The following SLC20A2 variants were observed in gnomAD, a reference collection of about 807,000 sequenced individuals.
SLC20A2 encodes solute carrier family 20 member 2, also known as sodium-dependent phosphate transporter 2.
SLC20A2 carries 30 observed loss-of-function variants against 61.0 expected under a neutral mutation model. The observed-to-expected ratio is 0.49, with a 90% CI of 0.37 to 0.67. The LOEUF (loss-of-function observed/expected upper bound fraction) is 0.67, where lower values mean the gene tolerates loss of function less well. SLC20A2 is among the 30% of genes least tolerant of loss of function. The pLI is 0.00. For synonymous variants in SLC20A2, 351 were observed against 353.3 expected (o/e 0.99, Z 0.07); for missense variants, 626 against 866.4 (o/e 0.72, Z 3.48).
chr8:42,466,843 A>T (rs540432766), intron 2 of SLC20A2, among the ~76,000 whole-genome samples: 5 of 150,044 alleles, frequency 3.3e-5, no homozygotes, highest in East Asian at 3.9e-4. Context: ...TAATTTTTAA[A>T]TTTTTTTGCA....
chr8:42,466,328 T>C (rs186133300), intron 2 of SLC20A2, among the ~76,000 whole-genome samples: 7 of 152,282 alleles, frequency 4.6e-5, no homozygotes, highest in Non-Finnish European at 7.4e-5. Flanking sequence ...TCAAGTGATC[T>C]ACCCGCCTTG....
chr8:42,489,744 G>A (rs746718151), intron 1 of SLC20A2, among the ~76,000 whole-genome samples: 2 of 152,232 alleles, frequency 1.3e-5, no homozygotes, highest in Non-Finnish European at 2.9e-5. Flanking sequence ...AGTGGCCAGA[G>A]GTTGTGCTGA....
chr8:42,534,431 A>G (rs1216941388), intron 1 of SLC20A2, among the ~76,000 whole-genome samples: 1 of 152,216 alleles, frequency 6.6e-6, no homozygotes, highest in Non-Finnish European at 1.5e-5. Flanking sequence ...TTTCCTAGAA[A>G]ACTGAAAATA....
intron 7 of SLC20A2, among the ~76,000 whole-genome samples, chr8:42,438,003 C>T (rs1389422682): frequency 2.4e-5 from 3 of 125,228 alleles, no homozygotes; most frequent in Non-Finnish European, 4.8e-5. Context: ...TTAACATATA[C>T]TTTCTTTTCT....
In SLC20A2 at chr8:42,497,454, CAT is replaced by C. The variant is rs777434196; in HGVS notation, c.-265+3575_-265+3576del. 2.1e-4 allele frequency among the ~76,000 whole-genome samples: 32 copies of C among 152,276 alleles called. No homozygotes were observed. The East Asian group carries it at 3.3e-3, about 16-fold the overall frequency. On this transcript the variant is annotated intron_variant, in intron 1 of 10. Coordinates refer to ENST00000520262, the MANE Select transcript of SLC20A2 (RefSeq NM_001257180.2). ...GGGGCCTGAGAATCTGCATTTCTCA[CAT>C]GTTTCCAGGCGGTGCTGACGCTGAA...
chr8:42,446,071 T>C (rs1417089069), intron 5 of SLC20A2, among the ~76,000 whole-genome samples: 5 of 152,234 alleles, frequency 3.3e-5, no homozygotes, highest in African/African-American at 1.2e-4. Flanking sequence ...TGTTCCTGCT[T>C]TGGCCTCCCA....
intron 1 of SLC20A2, among the ~76,000 whole-genome samples, chr8:42,517,057 T>C (rs967833221): frequency 6.6e-6 from 1 of 152,204 alleles, no homozygotes; most frequent in African/African-American, 2.4e-5. Context: ...TGTTGCTGAT[T>C]TTAGAACATT....
intron 1 of SLC20A2, among the ~76,000 whole-genome samples, chr8:42,538,537 G>A (rs925949865): frequency 3.9e-5 from 6 of 152,188 alleles, no homozygotes; most frequent in Non-Finnish European, 4.4e-5. Flanking sequence ...CTTCACTAGT[G>A]GAAAGTGGAG....
chr8:42,455,257 T>TATATAGAGAGAGAGAGAG (rs1357416749), intron 5 of SLC20A2, among the ~76,000 whole-genome samples: 1 of 81,622 alleles, frequency 1.2e-5, no homozygotes, highest in African/African-American at 4.4e-5. Flanking sequence ...TATATATATA[T>TATATAGAGAGAGAGAGAG]AGAGAGAGAG....
chr8:42,422,511 T>C (rs188313642), intron 10 of SLC20A2, among the ~76,000 whole-genome samples: 206 of 152,332 alleles, frequency 1.4e-3, no homozygotes, highest in Admixed American at 2.2e-3. Context: ...TTTTTAGTTT[T>C]GTTTTTCTTC....
chr8:42,487,180 T>C (rs1167421733), intron 1 of SLC20A2, among the ~76,000 whole-genome samples: 157 of 139,492 alleles, frequency 1.1e-3, no homozygotes, highest in Admixed American at 2.2e-3. Context: ...TTCTTTCTTT[T>C]TTTTTTTTTT....
chr8:42,427,264 G>A (rs1410901547), intron 10 of SLC20A2, among the ~76,000 whole-genome samples: 1 of 152,248 alleles, frequency 6.6e-6, no homozygotes, highest in East Asian at 1.9e-4. Context: ...GCTTCTTGGG[G>A]AGACCACCAG....
intron 1 of SLC20A2, among the ~76,000 whole-genome samples, chr8:42,540,186 G>A (rs1207391193): frequency 1.3e-5 from 2 of 152,110 alleles, no homozygotes; most frequent in Admixed American, 6.6e-5. Flanking sequence ...CAGCTACCTG[G>A]GAGGCTAAGG....
chr8:42,465,347 A>G (rs929179476), intron 3 of SLC20A2, among the ~76,000 whole-genome samples: 2 of 151,360 alleles, frequency 1.3e-5, no homozygotes, highest in African/African-American at 4.8e-5. Context: ...GTGAGCCACC[A>G]TGTCTGGCCC....
At chr8:42,488,249 G>A (rs566624652) in intron 1 of SLC20A2, among the ~76,000 whole-genome samples, 2 of 137,702 alleles carry the variant, frequency 1.5e-5, no homozygotes, top group African/African-American at 5.6e-5. Context: ...GCAGCGGCTC[G>A]ATCTCTGCTC....
At chr8:42,530,720 T>C (rs908587247) in intron 1 of SLC20A2, among the ~76,000 whole-genome samples, 31 of 152,058 alleles carry the variant, frequency 2.0e-4, no homozygotes, top group Non-Finnish European at 3.8e-4. Flanking sequence ...TGGTTAGTAT[T>C]TTGGGTTTTG....
At chr8:42,481,826 G>C (rs528612476) in intron 1 of SLC20A2, among the ~76,000 whole-genome samples, 1 of 152,150 alleles carries the variant, frequency 6.6e-6, no homozygotes, top group Non-Finnish European at 1.5e-5. Flanking sequence ...TTCGGACCCT[G>C]AGGGTTCAGC....
At position 42,437,177 on chromosome 8, in the gene SLC20A2, G is replaced by T; in HGVS notation, c.1335C>A (p.Ile445=). ...TCTCCACGCCGCCCTCCTCCGCCTC[G>T]ATCTCCGCCTCTGCCACCGCGTTAC... is the stretch of plus-strand genomic sequence containing the variant. ...SYCNAVAEAE[I]EAEEGGVEMK... The change falls in exon 8 of 11, where the codon ATC becomes ATA. Residue 445 remains isoleucine, a synonymous_variant. Transcript: ENST00000520262. This position sits in a 1 kb window ranked among gnomAD's most constrained non-coding sequence, Gnocchi z 6.4. The T allele has an allele frequency of 6.2e-7, 1 of 1,613,522 alleles. No individual in the cohort carries two copies. The highest frequency in any genetic ancestry group is 8.5e-7 in the Non-Finnish European group (1 of 1,180,018).
At chr8:42,463,902 G>A (rs1191647987) in intron 3 of SLC20A2, among the ~76,000 whole-genome samples, 1 of 151,858 alleles carries the variant, frequency 6.6e-6, no homozygotes, top group Non-Finnish European at 1.5e-5. Flanking sequence ...AAAGAGTATC[G>A]TTCACGATGG....
Sources: allele counts gnomAD v4.1 joint callset (sites outside exome capture counted in the v4.1 genomes callset), GRCh38; gene constraint gnomAD v4.1.1; non-coding constraint Gnocchi (gnomAD v3.1); transcripts MANE v1.5; gene names NCBI Gene and HGNC (gene_info 2026-07-23, HGNC 2026-07-21).